The following DLG2 variants were observed in gnomAD, a reference collection of about 807,000 sequenced individuals.
DLG2 encodes the protein discs large MAGUK scaffold protein 2, also known as disks large homolog 2.
A neutral mutation model predicts 132.5 loss-of-function variants in DLG2; 45 were observed. That is an observed-to-expected ratio of 0.34 (90% CI 0.27 to 0.44). The LOEUF is 0.44. DLG2 is among the 20% of genes least tolerant of loss of function. DLG2 has a pLI of 1.00. For missense variants in DLG2, 1,045 were observed against 1,196.9 expected, an observed-to-expected ratio of 0.87 and a Z score of 1.87; for synonymous variants, 424 against 419.6, an observed-to-expected ratio of 1.01 and a Z score of -0.13.
At chr11:85,153,671 T>C (rs1566942709) in intron 5 of DLG2, among the ~76,000 whole-genome samples, 1 of 152,172 alleles carries the variant, frequency 6.6e-6, no homozygotes, top group Non-Finnish European at 1.5e-5. Flanking sequence ...GAAGTATTTA[T>C]TCCTCATTAA....
intron 6 of DLG2, among the ~76,000 whole-genome samples, chr11:84,917,831 C>G (rs1379716508): frequency 6.6e-6 from 1 of 152,060 alleles, no homozygotes; most frequent in East Asian, 1.9e-4. Context: ...AAATGGCTCA[C>G]AACCATTTGG....
At chr11:83,652,434 A>C (rs1225405108) in intron 18 of DLG2, among the ~76,000 whole-genome samples, 1 of 152,084 alleles carries the variant, frequency 6.6e-6, no homozygotes, top group Non-Finnish European at 1.5e-5. Context: ...GCAGTGGTGC[A>C]ATCTTGGCTC....
chr11:85,583,342 T>C (rs1452671074), intron 3 of DLG2, among the ~76,000 whole-genome samples: 2 of 149,146 alleles, frequency 1.3e-5, no homozygotes, highest in Non-Finnish European at 3.0e-5. Context: ...TTTGTTGTTG[T>C]TGTTGCTCCT....
At chr11:85,187,874 T>G (rs928276206) in intron 4 of DLG2, among the ~76,000 whole-genome samples, 4 of 152,064 alleles carry the variant, frequency 2.6e-5, no homozygotes, top group African/African-American at 9.7e-5. Context: ...GACCTTAGGT[T>G]GTAGTGCTGG....
chr11:84,058,157 T>C (rs2096534054), intron 11 of DLG2, among the ~76,000 whole-genome samples: 1 of 152,062 alleles, frequency 6.6e-6, no homozygotes, highest in Admixed American at 6.6e-5. Context: ...ATTTTTTCAA[T>C]CTCATATAGC....
At position 85,030,521 on chromosome 11, in the gene DLG2, CTGATTT is replaced by C. The variant is rs1360257250; in HGVS notation, c.357+81134_357+81139del. On this transcript the variant is annotated intron_variant, in intron 6 of 27. Transcript: ENST00000376104. ...ACAAGCAGTGATCAAATTATGTTTT[CTGATTT>C]TGTTATTCATGCTTTAAAAGTTGTA... Among the ~76,000 whole-genome samples the C allele has an allele frequency of 4.6e-5, 7 of 152,234 alleles. No homozygotes were observed. In the East Asian group the frequency reaches 1.4e-3, roughly 29 times the overall value.
chr11:85,100,996 C>A (rs1433789686), intron 6 of DLG2, among the ~76,000 whole-genome samples: 1 of 152,104 alleles, frequency 6.6e-6, no homozygotes, highest in Non-Finnish European at 1.5e-5. Context: ...TCCAAAACAG[C>A]TTTAGAAATA....
rs189317401 is a variant in DLG2, at chr11:85,505,271, G to A, written c.40+93386C>T. Among the ~76,000 whole-genome samples the A allele has an allele frequency of 1.3e-3, 202 of 152,280 alleles. 1 individual carries two copies. Among genetic ancestry groups the A allele is most frequent in the African/African-American group, 4.6e-3 (191 of 41,556 alleles). On this transcript the variant is annotated intron_variant, in intron 3 of 27. Transcript: ENST00000376104. ...TCCAACACTATGTTGAATAGGAGTG[G>A]TGAGAGAGGGCATCCCTGTCTTGCA...
At chr11:84,493,110 G>GTGTCCATCAGCTTGGGGACATGGTGTA (rs572963947) in intron 7 of DLG2, among the ~76,000 whole-genome samples, 1 of 152,076 alleles carries the variant, frequency 6.6e-6, no homozygotes, top group Non-Finnish European at 1.5e-5. Context: ...TCTACCTGAA[G>GTGTCCATCAGCTTGGGGACATGGTGTA]TGTCCATCAG....
At chr11:84,175,258 G>C (rs561462957) in intron 8 of DLG2, among the ~76,000 whole-genome samples, 28 of 152,194 alleles carry the variant, frequency 1.8e-4, no homozygotes, top group African/African-American at 5.5e-4. Flanking sequence ...CTCACATTGT[G>C]ATTTCTCTTC....
At chr11:84,949,044 G>A (rs550640416) in intron 6 of DLG2, among the ~76,000 whole-genome samples, 3 of 152,254 alleles carry the variant, frequency 2.0e-5, no homozygotes, top group Admixed American at 6.5e-5. Flanking sequence ...GACCCGCCCC[G>A]AAAATCACGT....
intron 16 of DLG2, among the ~76,000 whole-genome samples, chr11:83,865,751 T>G (rs2062219849): frequency 6.6e-6 from 1 of 152,124 alleles, no homozygotes; most frequent in African/African-American, 2.4e-5. Flanking sequence ...ATCATGTCTA[T>G]GTCAAGACCA....
At chr11:84,388,889 T>G (rs765980801) in intron 7 of DLG2, among the ~76,000 whole-genome samples, 1 of 152,152 alleles carries the variant, frequency 6.6e-6, no homozygotes, top group Non-Finnish European at 1.5e-5. Flanking sequence ...ACATTGAAAT[T>G]CTTGGATGTC....
chr11:84,183,821 T>C (rs36193332), intron 8 of DLG2, among the ~76,000 whole-genome samples: 9,833 of 152,122 alleles, frequency 0.065, 389 homozygotes, highest in African/African-American at 0.1. Flanking sequence ...TGAGAACATG[T>C]GGTGCTTGGT....
At position 84,050,171 on chromosome 11, in the gene DLG2, T is replaced by A. The variant is rs1482711876; in HGVS notation, c.919+9144A>T. On this transcript the variant is annotated intron_variant, in intron 11 of 27. Transcript: ENST00000376104. Reference sequence around the variant, plus strand: ...CTGGAGACTTTTTTTTTTTTTTTTTTACCAGGGGAGAATCATGAACAGTTT... The same window carrying A: ...CTGGAGACTTTTTTTTTTTTTTTTTAACCAGGGGAGAATCATGAACAGTTT... 5.5e-3 allele frequency among the ~76,000 whole-genome samples: 718 copies of A among 129,596 alleles called. 6 individuals are homozygous for A. The highest frequency in any genetic ancestry group is 0.019 in the African/African-American group (702 of 37,342). The allele number at this position is 129,596 out of a possible 152,430, so 85.0% of individuals were successfully genotyped here. A position where few individuals can be genotyped will look rare whatever the true frequency, so the allele number is the denominator to read the frequency against.
chr11:84,406,259 C>T (rs2098848909), intron 7 of DLG2, among the ~76,000 whole-genome samples: 1 of 152,114 alleles, frequency 6.6e-6, no homozygotes. Context: ...CCTTGCCCTG[C>T]CTATCTACCC....
chr11:84,250,596 A>G (rs975120009), intron 8 of DLG2, among the ~76,000 whole-genome samples: 3 of 152,156 alleles, frequency 2.0e-5, no homozygotes, highest in Non-Finnish European at 4.4e-5. Context: ...CATAATGTCA[A>G]CCACTCACCC....
Position 84,683,181 on chromosome 11 carries a change from T to C in DLG2, c.358-148450A>G, listed in dbSNP as rs1565651347. On this transcript the variant is annotated intron_variant, in intron 6 of 27. Coordinates refer to ENST00000376104, the MANE Select transcript of DLG2 (RefSeq NM_001142699.3). ...CACAGGAAGCAGAAATGAGTCCTTA[T>C]GGTATAGTGACTGAAAAGAAAGACA... Among the ~76,000 whole-genome samples, 5 of 152,338 alleles carry C rather than the reference T, an allele frequency of 3.3e-5. No homozygotes were observed. In the East Asian group the frequency reaches 5.8e-4, roughly 18 times the overall value.
intron 6 of DLG2, among the ~76,000 whole-genome samples, chr11:84,805,841 G>T (rs898917776): frequency 6.6e-6 from 1 of 152,078 alleles, no homozygotes; most frequent in Non-Finnish European, 1.5e-5. Context: ...TTTCTTTACA[G>T]CAGTGTGAGA....
Sources: allele counts gnomAD v4.1 joint callset (sites outside exome capture counted in the v4.1 genomes callset), GRCh38; gene constraint gnomAD v4.1.1; transcripts MANE v1.5; gene names NCBI Gene and HGNC (gene_info 2026-07-23, HGNC 2026-07-21).